Variants in CDKN2B-AS1 observed in about 807,000 individuals in gnomAD.
The protein encoded by CDKN2B-AS1 is CDKN2B and CDKN2A antisense cis and trans regulatory RNA 1.
rs539581432 is a variant in CDKN2B-AS1, at chr9:22,027,522, C to T, written n.30-19229C>T. On this transcript the variant is annotated intron_variant and non_coding_transcript_variant, in intron 1 of 4. Coordinates refer to ENST00000650946, the Ensembl canonical transcript of CDKN2B-AS1. ...ATTCTTACCAAATATAGAAAGTGAA[C>T]AAAACAATATTAGTATTAGAAAAAA... Among the ~76,000 whole-genome samples, 14 of 152,204 alleles carry T rather than the reference C, an allele frequency of 9.2e-5. No homozygotes were observed. In the East Asian group the frequency reaches 2.5e-3, roughly 27 times the overall value.
At chr9:22,114,556 G>A (rs560847934) in intron 4 of CDKN2B-AS1, among the ~76,000 whole-genome samples, 1 of 152,286 alleles carries the variant, frequency 6.6e-6, no homozygotes, top group South Asian at 2.1e-4. Flanking sequence ...TTCTAAGAAC[G>A]TTTTGACAAA....
chr9:22,067,929 TC>T (rs1437373007), intron 4 of CDKN2B-AS1, among the ~76,000 whole-genome samples: 4 of 152,156 alleles, frequency 2.6e-5, no homozygotes, highest in African/African-American at 9.7e-5. Flanking sequence ...CATTCTCTTC[TC>T]CCTATTTCAG....
chr9:22,046,825 G>A (rs967083681), exon 2 of CDKN2B-AS1: 2 of 152,004 alleles, frequency 1.3e-5, no homozygotes, highest in South Asian at 4.1e-4. Flanking sequence ...TCTGTTTTCT[G>A]GCCACCAGAT....
intron 1 of CDKN2B-AS1, among the ~76,000 whole-genome samples, chr9:22,036,877 A>G (rs1822708031): frequency 6.6e-6 from 1 of 152,080 alleles, no homozygotes; most frequent in Admixed American, 6.6e-5. Flanking sequence ...ACCAAAACTA[A>G]TACTGTGGTT....
intron 4 of CDKN2B-AS1, chr9:22,118,693 C>A (rs1342119116): frequency 6.6e-6 from 1 of 152,152 alleles, no homozygotes; most frequent in East Asian, 1.9e-4. Context: ...AAGAATAAAA[C>A]TTAATCCCTT....
chr9:22,124,857 A>G (rs1817991618), intron 4 of CDKN2B-AS1, among the ~76,000 whole-genome samples: 2 of 152,232 alleles, frequency 1.3e-5, no homozygotes, highest in African/African-American at 2.4e-5. Context: ...CTATAAAACA[A>G]TCAATCTTTT....
At chr9:22,112,671 T>C (rs919987373) in intron 4 of CDKN2B-AS1, among the ~76,000 whole-genome samples, 9 of 152,174 alleles carry the variant, frequency 5.9e-5, no homozygotes, top group African/African-American at 2.2e-4. Flanking sequence ...CCATGACATT[T>C]TTAGTATATT....
At chr9:22,113,816 T>C (rs1483904726) in intron 4 of CDKN2B-AS1, 1 of 152,224 alleles carries the variant, frequency 6.6e-6, no homozygotes, top group African/African-American at 2.4e-5. Context: ...ATTGCTTTTA[T>C]AATAAATGTG....
chr9:22,011,332 CTA>C (rs1362008337), intron 1 of CDKN2B-AS1, among the ~76,000 whole-genome samples: 1 of 152,168 alleles, frequency 6.6e-6, no homozygotes, highest in Non-Finnish European at 1.5e-5. Context: ...ATTATATAGT[CTA>C]TATTTAGAAG....
At position 22,006,360 on chromosome 9, in the gene CDKN2B-AS1, C is replaced by T; in HGVS notation, n.29+11199C>T. 1 of 1,435,040 alleles carries T rather than the reference C, an allele frequency of 7.0e-7. No homozygotes were observed. Among genetic ancestry groups the T allele is most frequent in the South Asian group, 1.2e-5 (1 of 82,312 alleles). 88.9% of individuals were successfully genotyped at this position (1,435,040 alleles called of 1,614,324 possible). On this transcript the variant is annotated intron_variant and non_coding_transcript_variant, in intron 1 of 4. Transcript: ENST00000650946. The surrounding 1 kb of genome is among the most constrained non-coding windows in gnomAD (Gnocchi z 6.4). The stretch of plus-strand genomic sequence containing the variant: ...GAAACACCTAATTGCAAAGTTTTCA[C>T]CCAGTGCAGAGGTGTTCAGGTCTCT...
chr9:22,004,826 T>A (rs1262514920), intron 1 of CDKN2B-AS1: 1 of 233,120 alleles, frequency 4.3e-6, no homozygotes, highest in Non-Finnish European at 8.5e-6. Flanking sequence ...TATTTCTTAG[T>A]CTGACCTCTG....
intron 1 of CDKN2B-AS1, among the ~76,000 whole-genome samples, chr9:22,044,297 G>A (rs890614188): frequency 1.3e-5 from 2 of 151,806 alleles, no homozygotes; most frequent in Non-Finnish European, 2.9e-5. Flanking sequence ...GTTGTAAAAT[G>A]CCTAGAAACA....
intron 4 of CDKN2B-AS1, chr9:22,058,294 A>C (rs983001288): frequency 2.6e-5 from 4 of 152,198 alleles, no homozygotes; most frequent in African/African-American, 9.7e-5. Flanking sequence ...AGATAAGTTC[A>C]TTTTGGCGGG....
chr9:22,066,855 C>G (rs1211025305), intron 4 of CDKN2B-AS1, among the ~76,000 whole-genome samples: 1 of 151,962 alleles, frequency 6.6e-6, no homozygotes, highest in Non-Finnish European at 1.5e-5. Flanking sequence ...GAAAATGTGG[C>G]ATATATACAC....
chr9:22,091,816 C>T (rs1168563340), intron 4 of CDKN2B-AS1, among the ~76,000 whole-genome samples: 1 of 152,142 alleles, frequency 6.6e-6, no homozygotes, highest in Non-Finnish European at 1.5e-5. Context: ...CTATTTATTT[C>T]CTTCTCCTGC....
chr9:22,015,568 TA>T (rs1423261588), intron 1 of CDKN2B-AS1, among the ~76,000 whole-genome samples: 1 of 152,072 alleles, frequency 6.6e-6, no homozygotes, highest in African/African-American at 2.4e-5. Flanking sequence ...GACTGTCATC[TA>T]AAAATATTGA....
intron 4 of CDKN2B-AS1, chr9:22,121,028 G>C (rs1826088981): frequency 6.6e-6 from 1 of 152,126 alleles, no homozygotes; most frequent in African/African-American, 2.4e-5. Context: ...TAACCTTAGA[G>C]TAATGATTTT....
intron 1 of CDKN2B-AS1, among the ~76,000 whole-genome samples, chr9:22,025,599 G>A (rs1822199348): frequency 6.6e-6 from 1 of 152,150 alleles, no homozygotes; most frequent in Non-Finnish European, 1.5e-5. Context: ...AGTATGCTGG[G>A]GGCCAGCTCC....
intron 4 of CDKN2B-AS1, among the ~76,000 whole-genome samples, chr9:22,114,640 G>C (rs1391336619): frequency 3.3e-5 from 5 of 152,236 alleles, no homozygotes; most frequent in African/African-American, 1.2e-4. Context: ...ACTTGCTTTA[G>C]TACATCTGCT....
Sources: gnomAD v4.1 joint callset for allele counts (sites outside exome capture counted in the v4.1 genomes callset) on GRCh38, gnomAD v4.1.1 for gene constraint, Gnocchi (gnomAD v3.1) non-coding constraint, MANE v1.5 for transcripts, NCBI Gene and HGNC (gene_info 2026-07-23, HGNC 2026-07-21) for gene names.